DLC1: variants seen among roughly 807,000 people sequenced by gnomAD.
The protein encoded by DLC1 is DLC1 Rho GTPase activating protein.
DLC1 carries 54 observed loss-of-function variants against 140.3 expected under a neutral mutation model. The ratio of observed to expected loss-of-function variants is 0.38; its 90% CI spans 0.31 to 0.48. DLC1 has a LOEUF of 0.48. Ranked by LOEUF, DLC1 falls within the 20% of genes least tolerant of loss-of-function variation. DLC1 has a pLI of 0.96. For missense variants in DLC1, 2,536 were observed against 1,907.0 expected, an observed-to-expected ratio of 1.33 and a Z score of -6.14; for synonymous variants, 986 against 728.1, an observed-to-expected ratio of 1.35 and a Z score of -5.70.
intron 2 of DLC1, among the ~76,000 whole-genome samples, chr8:13,481,594 T>C (rs1025975196): frequency 6.6e-6 from 1 of 152,180 alleles, no homozygotes; most frequent in Admixed American, 6.5e-5. Flanking sequence ...AATACCAGAC[T>C]CCATTAGAAT....
intron 1 of DLC1, among the ~76,000 whole-genome samples, chr8:13,599,778 A>G (rs757318670): frequency 1.3e-5 from 2 of 151,972 alleles, no homozygotes; most frequent in African/African-American, 4.8e-5. Context: ...GTTGATTCTC[A>G]ATAGGGAAAT....
chr8:13,135,921 C>A (rs190452308), intron 5 of DLC1, among the ~76,000 whole-genome samples: 2 of 152,242 alleles, frequency 1.3e-5, no homozygotes, highest in Admixed American at 1.3e-4. Flanking sequence ...TATAATAATA[C>A]TAATAATAAC....
At chr8:13,544,802 C>A (rs1039746894) in intron 1 of DLC1, among the ~76,000 whole-genome samples, 4 of 152,152 alleles carry the variant, frequency 2.6e-5, no homozygotes, top group African/African-American at 9.7e-5. Context: ...TGGGAGTAAG[C>A]TTCATTTCTT....
intron 1 of DLC1, among the ~76,000 whole-genome samples, chr8:13,582,216 C>T (rs556919549): frequency 6.6e-6 from 1 of 152,128 alleles, no homozygotes; most frequent in African/African-American, 2.4e-5. Flanking sequence ...TTTTAAGGAA[C>T]TGGCAGTGAG....
intron 1 of DLC1, among the ~76,000 whole-genome samples, chr8:13,529,178 C>T (rs1316806798): frequency 6.6e-6 from 1 of 152,090 alleles, no homozygotes; most frequent in Non-Finnish European, 1.5e-5. Flanking sequence ...CATTAAGCTA[C>T]TTGCTGTTCA....
chr8:13,602,243 GAGAT>G (rs1248119433), intron 1 of DLC1, among the ~76,000 whole-genome samples: 1 of 151,794 alleles, frequency 6.6e-6, no homozygotes, highest in Non-Finnish European at 1.5e-5. Flanking sequence ...TGAAGGAAAA[GAGAT>G]AGAAGAAGAA....
intron 5 of DLC1, among the ~76,000 whole-genome samples, chr8:13,185,897 T>C (rs1563146810): frequency 6.6e-6 from 1 of 152,154 alleles, no homozygotes; most frequent in African/African-American, 2.4e-5. Flanking sequence ...TATTTCTCCT[T>C]CATGTATGAA....
chr8:13,141,289 G>T (rs192871431), intron 5 of DLC1, among the ~76,000 whole-genome samples: 100 of 96,384 alleles, frequency 1.0e-3, no homozygotes, highest in African/African-American at 3.6e-3. Flanking sequence ...AAAAAAGCCA[G>T]CTGCTAAAAA....
chr8:13,264,660 T>C (rs1230891366), intron 5 of DLC1, among the ~76,000 whole-genome samples: 1 of 152,164 alleles, frequency 6.6e-6, no homozygotes, highest in Non-Finnish European at 1.5e-5. Context: ...CTGCAATGTT[T>C]TATTACTTAA....
chr8:13,102,792 G>A lies in DLC1; in HGVS notation c.1564C>T (p.Arg522Ter), dbSNP rs1420586882. The change falls in exon 8 of 18, where the codon CGA becomes TGA. Residue 522 changes from arginine (R) to a stop codon, truncating the protein, a stop_gained and splice_region_variant. Coordinates refer to ENST00000276297, the MANE Select transcript of DLC1 (RefSeq NM_182643.3). LOFTEE classifies it high-confidence loss of function. ...TATTATGCAATTTGTATACTCACTCGTTTCCGATGAGGACTAATTTCTAGC... is the reference window on the plus strand; with the variant it reads ...TATTATGCAATTTGTATACTCACTCATTTCCGATGAGGACTAATTTCTAGC... ...MKLEISPHRK[R>*]SDDSDEDEPC... 1 of 1,613,588 alleles carries A rather than the reference G, an allele frequency of 6.2e-7. No homozygotes were observed. The highest frequency in any genetic ancestry group is 8.5e-7 in the Non-Finnish European group (1 of 1,179,710).
intron 1 of DLC1, among the ~76,000 whole-genome samples, chr8:13,562,195 C>A (rs1215896950): frequency 6.6e-6 from 1 of 151,898 alleles, no homozygotes; most frequent in African/African-American, 2.4e-5. Context: ...CTAGTGTAAA[C>A]AATCCAAGGG....
At chr8:13,539,729 G>C (rs1026232925) in intron 1 of DLC1, among the ~76,000 whole-genome samples, 11 of 148,544 alleles carry the variant, frequency 7.4e-5, no homozygotes, top group African/African-American at 2.7e-4. Flanking sequence ...CTGAAGATGA[G>C]GCATTAAGAA....
At chr8:13,201,372 T>C (rs190167833) in intron 5 of DLC1, among the ~76,000 whole-genome samples, 1 of 152,302 alleles carries the variant, frequency 6.6e-6, no homozygotes. Context: ...TAAAGATCAC[T>C]TTGAGTGTAA....
At chr8:13,587,901 G>A (rs1020172948) in intron 1 of DLC1, among the ~76,000 whole-genome samples, 1 of 152,018 alleles carries the variant, frequency 6.6e-6, no homozygotes, top group Middle Eastern at 3.4e-3. Context: ...CCTCATGGCA[G>A]TATGATTTTA....
At chr8:13,122,192 T>C (rs1821144644) in intron 5 of DLC1, among the ~76,000 whole-genome samples, 1 of 152,170 alleles carries the variant, frequency 6.6e-6, no homozygotes, top group South Asian at 2.1e-4. Context: ...CTTTAGTGAC[T>C]TTCCACCGCC....
chr8:13,361,756 G>A (rs1235130332), intron 4 of DLC1, among the ~76,000 whole-genome samples: 3 of 152,152 alleles, frequency 2.0e-5, no homozygotes, highest in African/African-American at 7.2e-5. Context: ...GTTAGGGTAA[G>A]AAAAAGTAGA....
intron 2 of DLC1, among the ~76,000 whole-genome samples, chr8:13,476,144 A>G (rs1034638608): frequency 6.6e-6 from 1 of 152,232 alleles, no homozygotes; most frequent in African/African-American, 2.4e-5. Flanking sequence ...TGTGCTTTAG[A>G]TAGAATAAAT....
intron 3 of DLC1, among the ~76,000 whole-genome samples, chr8:13,395,004 T>TTCTATCTA (rs57872249): frequency 0.028 from 2,817 of 100,838 alleles, 49 homozygotes; most frequent in Middle Eastern, 0.074. Context: ...CTACTACATA[T>TTCTATCTA]TCTATCTATC....
At chr8:13,340,808 G>T (rs567906272) in intron 4 of DLC1, 2 of 152,310 alleles carry the variant, frequency 1.3e-5, no homozygotes, top group South Asian at 4.1e-4. Flanking sequence ...TTTCACAAAA[G>T]AGTAAAATAT....
Sources: gnomAD v4.1 joint callset for allele counts (sites outside exome capture counted in the v4.1 genomes callset) on GRCh38, gnomAD v4.1.1 for gene constraint, MANE v1.5 for transcripts, NCBI Gene and HGNC (gene_info 2026-07-23, HGNC 2026-07-21) for gene names.